The following CFAP44 variants were observed in gnomAD, a reference collection of about 807,000 sequenced individuals.
CFAP44 encodes cilia and flagella associated protein 44.
In CFAP44, 134 loss-of-function variants were observed where a neutral mutation model predicts 216.2. That is an observed-to-expected ratio of 0.62 (90% CI 0.54 to 0.72). CFAP44 has a LOEUF of 0.72. Ranked by LOEUF, CFAP44 falls within the 30% of genes least tolerant of loss-of-function variation. The pLI is 0.00. For synonymous variants in CFAP44, 700 were observed against 727.6 expected (o/e 0.96, Z 0.61); for missense variants, 2,035 against 2,182.1 (o/e 0.93, Z 1.34).
At chr3:113,346,275 C>G (rs544004978) in intron 22 of CFAP44, among the ~76,000 whole-genome samples, 2 of 151,852 alleles carry the variant, frequency 1.3e-5, no homozygotes, top group Non-Finnish European at 2.9e-5. Flanking sequence ...TGTAAATGCA[C>G]TAATCAGCAC....
Position 113,288,264 on chromosome 3 carries a change from A to G in CFAP44, c.*3293T>C, listed in dbSNP as rs1018102665. On this transcript the variant is annotated 3_prime_UTR_variant, in exon 35 of 35. Coordinates refer to ENST00000393845, the MANE Select transcript of CFAP44 (RefSeq NM_001164496.2). ...GCAAGTGCATCCTCTGCTGGCCAAA[A>G]TAAGTATAGCACCTGCTATTCCTGA... is the stretch of plus-strand genomic sequence containing the variant. The G allele has an allele frequency of 2.6e-5, 4 of 152,208 alleles. No homozygotes were observed. Among genetic ancestry groups the G allele is most frequent in the Admixed American group, 2.0e-4 (3 of 15,284 alleles). 9.4% of individuals were successfully genotyped at this position (152,208 alleles called of 1,614,324 possible).
intron 8 of CFAP44, among the ~76,000 whole-genome samples, chr3:113,406,522 G>T (rs902864483): frequency 3.9e-5 from 6 of 152,076 alleles, no homozygotes; most frequent in Non-Finnish European, 7.4e-5. Flanking sequence ...TACTCGGGAG[G>T]CTGAGGCAGG....
intron 3 of CFAP44, chr3:113,426,889 T>A: frequency 6.3e-6 from 2 of 318,824 alleles, no homozygotes. Context: ...CAAGGGGAAC[T>A]CCCAATTACT....
intron 15 of CFAP44, among the ~76,000 whole-genome samples, chr3:113,384,329 G>A (rs1576582855): frequency 1.3e-5 from 2 of 152,102 alleles, no homozygotes; most frequent in South Asian, 4.1e-4. Context: ...AAAGTGCTGG[G>A]ATTACAGGTG....
chr3:113,313,617 A>G (rs1452526178), intron 28 of CFAP44, among the ~76,000 whole-genome samples: 2 of 152,076 alleles, frequency 1.3e-5, no homozygotes, highest in African/African-American at 2.4e-5. Flanking sequence ...TAATTCCCAC[A>G]TGTTGTGGGA....
intron 18 of CFAP44, among the ~76,000 whole-genome samples, chr3:113,370,359 G>T (rs1933109154): frequency 6.6e-6 from 1 of 152,196 alleles, no homozygotes; most frequent in Non-Finnish European, 1.5e-5. Flanking sequence ...AAATCCAGCA[G>T]CACATCAAAA....
At position 113,395,770 on chromosome 3, in the gene CFAP44, T is replaced by A; in HGVS notation, c.1870A>T (p.Met624Leu). The A allele has an allele frequency of 6.2e-7, 1 of 1,612,808 alleles. No homozygotes were observed. The highest frequency in any genetic ancestry group is 8.5e-7 in the Non-Finnish European group (1 of 1,179,574). The change falls in exon 15 of 35, where the codon ATG becomes TTG. Residue 624 changes from methionine (M) to leucine (L), a missense_variant. Met to Leu is a conservative substitution (Grantham distance 15). Transcript: ENST00000393845. ...INTPGPVCQLMWSPMSHPEST... is the reference protein window; with the variant it reads ...INTPGPVCQLLWSPMSHPEST... ...CTTACATGAGACATGGGAGACCACATTAACTGACACACAGGTCCAGGAGTA... is the reference window on the plus strand; with the variant it reads ...CTTACATGAGACATGGGAGACCACAATAACTGACACACAGGTCCAGGAGTA...
chr3:113,429,083 A>T (rs576108912), intron 2 of CFAP44: 10 of 152,240 alleles, frequency 6.6e-5, no homozygotes, highest in East Asian at 1.9e-4. Flanking sequence ...TTTATAAAAA[A>T]TTTATAAGAA....
rs1456274024 is a variant in CFAP44, at chr3:113,330,240, C to T, written c.4044G>A (p.Thr1348=). The change falls in exon 26 of 35, where the codon ACG becomes ACA. Residue 1348 remains threonine, a synonymous_variant. Transcript: ENST00000393845. The stretch of plus-strand genomic sequence containing the variant: ...TCTTCATAATTTCCAGCTCCACATC[C>T]GTTGGCTCTGCTTTTTCAAATTCCA... ...KCLEFEKAEP[T]DVELEIMKRD... 25 of 1,537,512 alleles carry T rather than the reference C, an allele frequency of 1.6e-5. No individual in the cohort carries two copies. The highest frequency in any genetic ancestry group is 3.9e-5 in the Admixed American group (2 of 50,980).
chr3:113,385,965 G>A (rs931776264), intron 15 of CFAP44, among the ~76,000 whole-genome samples: 3 of 151,328 alleles, frequency 2.0e-5, no homozygotes, highest in Non-Finnish European at 4.4e-5. Context: ...ATTGATTTTC[G>A]ATCTATATGT....
chr3:113,310,933 G>T (rs938104006), intron 28 of CFAP44, among the ~76,000 whole-genome samples: 1 of 152,158 alleles, frequency 6.6e-6, no homozygotes, highest in African/African-American at 2.4e-5. Flanking sequence ...AGCAGGTGCT[G>T]CCATGCCTCC....
At chr3:113,420,365 GA>G (rs1156335732) in intron 4 of CFAP44, among the ~76,000 whole-genome samples, 186 bp from the exon 5 acceptor site, 2 of 151,244 alleles carry the variant, frequency 1.3e-5, no homozygotes, top group Non-Finnish European at 2.9e-5. Flanking sequence ...AATTAGGTGA[GA>G]AAAAAAAGGC....
chr3:113,396,396 A>G (rs969523372), intron 14 of CFAP44, 122 bp downstream of exon 14: 3 of 1,141,418 alleles, frequency 2.6e-6, no homozygotes, highest in Non-Finnish European at 3.7e-6. Flanking sequence ...CAAAGAAAGC[A>G]AAATGTGAAT....
rs1347888729 is a variant in CFAP44 at position 113,307,552 on chromosome 3, T to C, written c.4627+606A>G. Among the ~76,000 whole-genome samples, 12 of 152,256 alleles carry C rather than the reference T, an allele frequency of 7.9e-5. No individual in the cohort carries two copies. The East Asian group carries it at 2.3e-3, about 29-fold the overall frequency. On this transcript the variant is annotated intron_variant, in intron 29 of 34. Transcript: ENST00000393845. Reference sequence around the variant, plus strand: ...CTGTTTAATTGACTTCTTATATTTATTGTCTTTCTCCACTAGACTATAAGC... The same window carrying C: ...CTGTTTAATTGACTTCTTATATTTACTGTCTTTCTCCACTAGACTATAAGC...
At position 113,396,403 on chromosome 3, in the gene CFAP44, G is replaced by A. The variant is rs1576588465; in HGVS notation, c.1779+115C>T. Reference sequence around the variant, plus strand: ...TATGACTACAAAGAAAGCAAAATGTGAATATATTGATAGAAAATGAATTTC... The same window carrying A: ...TATGACTACAAAGAAAGCAAAATGTAAATATATTGATAGAAAATGAATTTC... On this transcript the variant is annotated intron_variant, in intron 14 of 34. Coordinates refer to ENST00000393845, the MANE Select transcript of CFAP44 (RefSeq NM_001164496.2). 2.6e-5 allele frequency: 30 copies of A among 1,171,806 alleles called. No individual in the cohort carries two copies. In the East Asian group the frequency reaches 7.4e-4, roughly 29 times the overall value. The allele number at this position is 1,171,806 out of a possible 1,614,324, so 72.6% of individuals were successfully genotyped here. A position where few individuals can be genotyped will look rare whatever the true frequency, so the allele number is the denominator to read the frequency against.
chr3:113,350,952 G>A (rs1354301270), intron 22 of CFAP44, among the ~76,000 whole-genome samples: 1 of 152,214 alleles, frequency 6.6e-6, no homozygotes, highest in Non-Finnish European at 1.5e-5. Context: ...CCAGACCTAG[G>A]AGGAACTCCC....
At chr3:113,366,760 T>C (rs886333509) in intron 18 of CFAP44, among the ~76,000 whole-genome samples, 39 of 152,308 alleles carry the variant, frequency 2.6e-4, no homozygotes, top group Admixed American at 6.5e-4. Flanking sequence ...GGCAGGGTGT[T>C]GCCTCACCTG....
chr3:113,431,530 AG>A (rs1388474043), intron 2 of CFAP44, among the ~76,000 whole-genome samples: 2 of 152,104 alleles, frequency 1.3e-5, no homozygotes, highest in Non-Finnish European at 2.9e-5. Flanking sequence ...AGGAAAAACT[AG>A]GGGGGAACAA....
chr3:113,292,624 AG>A (rs1458239530), intron 34 of CFAP44, among the ~76,000 whole-genome samples: 1 of 152,218 alleles, frequency 6.6e-6, no homozygotes, highest in African/African-American at 2.4e-5. Context: ...TTTACAGATA[AG>A]GACATTGAGA....
Sources: allele counts gnomAD v4.1 joint callset (sites outside exome capture counted in the v4.1 genomes callset), GRCh38; gene constraint gnomAD v4.1.1; transcripts MANE v1.5; gene names NCBI Gene and HGNC (gene_info 2026-07-23, HGNC 2026-07-21).